FARSB: variants seen among roughly 807,000 people sequenced by gnomAD.
FARSB encodes the protein phenylalanine--tRNA ligase beta subunit.
A neutral mutation model predicts 69.6 loss-of-function variants in FARSB; 40 were observed. The ratio of observed to expected loss-of-function variants is 0.57; its 90% CI spans 0.45 to 0.75. FARSB has a LOEUF of 0.75. FARSB is among the 30% of genes least tolerant of loss of function. The probability of loss-of-function intolerance (pLI) is 0.00; values close to 1 mark genes in which losing one functional copy is unlikely to be tolerated. For missense variants in FARSB, 632 were observed against 722.9 expected (o/e 0.87, Z 1.44); for synonymous variants, 235 against 247.2 (o/e 0.95, Z 0.46).
chr2:222,628,775 C>T lies in FARSB; in HGVS notation c.900+62G>A, dbSNP rs541991806. 25 of 1,131,194 alleles carry T rather than the reference C, an allele frequency of 2.2e-5. No homozygotes were observed. The Admixed American group carries it at 4.1e-4, about 19-fold the overall frequency. 70.1% of individuals were successfully genotyped at this position (1,131,194 alleles called of 1,614,324 possible). On this transcript the variant is annotated intron_variant, in intron 10 of 16. Transcript: ENST00000281828. ...TGGATAGACAGACAGAACATGAGTG[C>T]TCTATAGCCATTATTATTAGCATTG...
intron 16 of FARSB, among the ~76,000 whole-genome samples, chr2:222,577,807 A>T (rs16863908): frequency 0.15 from 22,189 of 152,210 alleles, 2,524 homozygotes; most frequent in East Asian, 0.56. Flanking sequence ...TTACTTTTTA[A>T]CATTTCTTAT....
At chr2:222,640,104 T>C (rs1299503239) in intron 4 of FARSB, among the ~76,000 whole-genome samples, 1 of 152,186 alleles carries the variant, frequency 6.6e-6, no homozygotes, top group Non-Finnish European at 1.5e-5. Context: ...TTCTTTTTCA[T>C]TCCTAGGTTA....
At chr2:222,599,180 A>G (rs1690499192) in intron 16 of FARSB, among the ~76,000 whole-genome samples, 1 of 152,214 alleles carries the variant, frequency 6.6e-6, no homozygotes, top group South Asian at 2.1e-4. Context: ...GATGCCAAAT[A>G]GAGTTATAAA....
At position 222,613,877 on chromosome 2, in the gene FARSB, G is replaced by T. The variant is rs766030802; in HGVS notation, c.1396C>A (p.Arg466Ser). The T allele has an allele frequency of 6.2e-7, 1 of 1,613,798 alleles. No individual in the cohort carries two copies. Among genetic ancestry groups the T allele is most frequent in the Non-Finnish European group, 8.5e-7 (1 of 1,179,738 alleles). ...PGLLKTIAAN[R>S]KMPLPLKLFE... is the part of the protein sequence containing the mutation. ...AGTTTCAGTGGAAGGGGCATCTTACGATTTGCTGCTATGGTCTTCAGGAGG... is the reference window on the plus strand; with the variant it reads ...AGTTTCAGTGGAAGGGGCATCTTACTATTTGCTGCTATGGTCTTCAGGAGG... Residue 466 changes from arginine (R) to serine (S), a missense_variant, in exon 15 of 17, where the codon CGT becomes AGT. By Grantham distance (110) the Arg-to-Ser change is moderately radical. Transcript: ENST00000281828.
intron 14 of FARSB, among the ~76,000 whole-genome samples, chr2:222,616,407 C>T (rs7563198): frequency 0.013 from 2,009 of 152,064 alleles, 34 homozygotes; most frequent in African/African-American, 0.043. Flanking sequence ...ATTAGCTGGG[C>T]GCGGCAGCGC....
chr2:222,624,518 TA>T (rs1691218183), intron 11 of FARSB, 39 bp from the exon 12 acceptor site: 3 of 1,378,808 alleles, frequency 2.2e-6, no homozygotes, highest in Non-Finnish European at 2.1e-6. Context: ...TTCATTGGAT[TA>T]TTTTTTTAAT....
chr2:222,587,161 C>A (rs1168420663), intron 16 of FARSB, among the ~76,000 whole-genome samples: 1 of 152,236 alleles, frequency 6.6e-6, no homozygotes, highest in African/African-American at 2.4e-5. Context: ...AACTGTCTCT[C>A]AGACCACAGT....
intron 1 of FARSB, among the ~76,000 whole-genome samples, chr2:222,654,728 T>C (rs1354873432): frequency 6.6e-6 from 1 of 152,198 alleles, no homozygotes; most frequent in African/African-American, 2.4e-5. Context: ...TATCTAAAAG[T>C]ACACACTTAG....
chr2:222,603,611 G>A (rs1338464450), intron 15 of FARSB, among the ~76,000 whole-genome samples: 1 of 148,720 alleles, frequency 6.7e-6, no homozygotes, highest in African/African-American at 2.5e-5. Context: ...TAAGTAACTT[G>A]GCCAAAGTCA....
At chr2:222,651,488 CA>C (rs1366050701) in intron 1 of FARSB, among the ~76,000 whole-genome samples, 1 of 152,124 alleles carries the variant, frequency 6.6e-6, no homozygotes, top group Admixed American at 6.5e-5. Flanking sequence ...AAGATAAAAT[CA>C]AGGATATGAC....
In FARSB at chr2:222,630,170, T is replaced by A; in HGVS notation, c.791A>T (p.Lys264Ile). 1.3e-6 allele frequency: 2 copies of A among 1,518,480 alleles called. No homozygotes were observed. Among genetic ancestry groups the A allele is most frequent in the Non-Finnish European group, 1.8e-6 (2 of 1,125,786 alleles). 94.1% of individuals were successfully genotyped at this position (1,518,480 alleles called of 1,614,324 possible). The change falls in exon 9 of 17, where the codon AAA becomes ATA. Residue 264 changes from lysine to isoleucine, a missense_variant. Transcript: ENST00000281828. The part of the protein sequence containing the change: ...ECTGTDFTKA[K>I]IVLDIIVTMF... ...GGTGACAATAATATCAAGAACTATTTTTGCCTGCAAAGAAAAGAAAAACAA... is the reference window on the plus strand; with the variant it reads ...GGTGACAATAATATCAAGAACTATTATTGCCTGCAAAGAAAAGAAAAACAA...
chr2:222,577,581 G>A (rs13011076), intron 16 of FARSB, among the ~76,000 whole-genome samples: 41,162 of 152,020 alleles, frequency 0.27, 5,951 homozygotes, highest in Middle Eastern at 0.44. Flanking sequence ...TTACAAATCC[G>A]GACAGGATCC....
At chr2:222,573,928 G>C (rs954848892) in intron 16 of FARSB, among the ~76,000 whole-genome samples, 2 of 152,186 alleles carry the variant, frequency 1.3e-5, no homozygotes, top group Middle Eastern at 3.2e-3. Context: ...GAAAGGCAAT[G>C]TTCAGGATCT....
chr2:222,602,066 C>T (rs780044260), intron 15 of FARSB, among the ~76,000 whole-genome samples: 9 of 152,134 alleles, frequency 5.9e-5, no homozygotes, highest in Non-Finnish European at 1.2e-4. Context: ...AAGGAACAAA[C>T]TGTAGATAGA....
chr2:222,635,503 A>G (rs1242803429), intron 5 of FARSB, among the ~76,000 whole-genome samples: 2 of 152,252 alleles, frequency 1.3e-5, no homozygotes, highest in African/African-American at 4.8e-5. Flanking sequence ...ATATGCTTAC[A>G]GAAGATAATA....
At chr2:222,619,867 GC>G (rs984137477) in intron 13 of FARSB, 130 bp from the exon 14 acceptor site, 3 of 541,382 alleles carry the variant, frequency 5.5e-6, no homozygotes, top group Non-Finnish European at 1.0e-5. Context: ...TTAAGAATAG[GC>G]CTGGTGTGAG....
rs1295633250 is a variant in FARSB at position 222,623,724 on chromosome 2, G to A, written c.1177C>T (p.Leu393Phe). Residue 393 changes from leucine to phenylalanine, a missense_variant, in exon 13 of 17, where the codon CTT becomes TTT. Physicochemically the swap from Leu to Phe is conservative, Grantham distance 22. Coordinates refer to ENST00000281828, the MANE Select transcript of FARSB (RefSeq NM_005687.5). ...KTYTIANQFPLNKLTELLRHD... is the reference protein window; with the variant it reads ...KTYTIANQFPFNKLTELLRHD... ...CGGAGAAGTTCAGTGAGCTTATTAA[G>A]AGGAAACTGAAAAAAAAAGCATCCA... The A allele has an allele frequency of 1.9e-6, 3 of 1,598,582 alleles. No homozygotes were observed. The African/African-American group carries it at 4.0e-5, about 22-fold the overall frequency.
At chr2:222,621,924 T>C (rs750421163) in intron 13 of FARSB, among the ~76,000 whole-genome samples, 1 of 152,246 alleles carries the variant, frequency 6.6e-6, no homozygotes, top group Non-Finnish European at 1.5e-5. Context: ...AGCTCACTCC[T>C]TTCTCTTCCC....
At chr2:222,615,785 A>C in intron 14 of FARSB, among the ~76,000 whole-genome samples, 1 of 152,146 alleles carries the variant, frequency 6.6e-6, no homozygotes, top group Non-Finnish European at 1.5e-5. Flanking sequence ...TTCCCATCAC[A>C]CTCACTATAC....
Sources: gnomAD v4.1 joint callset for allele counts (sites outside exome capture counted in the v4.1 genomes callset) on GRCh38, gnomAD v4.1.1 for gene constraint, MANE v1.5 for transcripts, NCBI Gene and HGNC (gene_info 2026-07-23, HGNC 2026-07-21) for gene names.